ZNF324B: variants seen among roughly 807,000 people sequenced by gnomAD.
ZNF324B encodes the protein zinc finger protein 324B.
ZNF324B carries 7 observed loss-of-function variants against 10.6 expected under a neutral mutation model. The ratio of observed to expected loss-of-function variants is 0.66; its 90% confidence interval spans 0.38 to 1.24. ZNF324B has a LOEUF of 1.24. Ranked by LOEUF, ZNF324B falls within the 50% of genes most tolerant of loss-of-function variation. ZNF324B has a pLI of 0.02. For missense variants in ZNF324B, 640 were observed against 764.7 expected (o/e 0.84, Z 1.92); for synonymous variants, 316 against 321.0 (o/e 0.98, Z 0.17).
intron 1 of ZNF324B, 124 bp downstream of exon 1, chr19:58,451,828 G>C (rs1187050544): frequency 6.8e-6 from 2 of 292,736 alleles, no homozygotes; most frequent in Non-Finnish European, 6.7e-6. Context: ...GGAAGCCCAG[G>C]AGGCAGCGCA....
In ZNF324B at chr19:58,456,201, C is replaced by G. The variant is rs1371611621; in HGVS notation, c.1257C>G (p.His419Gln). Reference sequence around the variant, plus strand: ...CGCTCTTTTTGCACCAGCGCGTGCACACAGGCGAGAAGCCCTTCGCCTGCG... The same window carrying G: ...CGCTCTTTTTGCACCAGCGCGTGCAGACAGGCGAGAAGCCCTTCGCCTGCG... ...GSSLFLHQRV[H>Q]TGEKPFACAQ... Residue 419 changes from histidine (H) to glutamine (Q), a missense_variant, in exon 4 of 4, where the codon CAC becomes CAG. His to Gln is a conservative substitution (Grantham distance 24). This residue lies in a region of ZNF324B where 238 missense variants were observed against 258.0 expected (regional missense o/e 0.92). Transcript: ENST00000336614. The surrounding 1 kb of genome is among the most constrained non-coding windows in gnomAD (Gnocchi z 4.7). The G allele has an allele frequency of 6.2e-7, 1 of 1,613,274 alleles. No homozygotes were observed. Among genetic ancestry groups the G allele is most frequent in the Non-Finnish European group, 8.5e-7 (1 of 1,179,838 alleles).
the ZNF324B span, among the ~76,000 whole-genome samples, chr19:58,427,432 TTCCTTCC>T: frequency 0.013 from 424 of 33,866 alleles, 31 homozygotes; most frequent in African/African-American, 0.051. Flanking sequence ...CCTTCCTTCC[TTCCTTCC>T]TTCCTTTCCT....
At chr19:58,446,895 TTTTTC>T (rs992284438), upstream of ZNF324B, among the ~76,000 whole-genome samples, 17 of 151,358 alleles carry the variant, frequency 1.1e-4, no homozygotes, top group South Asian at 4.2e-4. Flanking sequence ...TGTCTTTTCT[TTTTTC>T]TTTTCTTTTC....
chr19:58,437,291 T>C, the ZNF324B span: 1 of 1,446,540 alleles, frequency 6.9e-7, no homozygotes, highest in Non-Finnish European at 9.3e-7. Context: ...CTGATACATC[T>C]ACCACTAATA....
the ZNF324B span, among the ~76,000 whole-genome samples, chr19:58,446,573 C>CTCTCTTTTTTTTTTT: frequency 2.0e-5 from 2 of 102,508 alleles, no homozygotes; most frequent in African/African-American, 9.5e-5. Flanking sequence ...ATTTCTTTCT[C>CTCTCTTTTTTTTTTT]TTTTTTTTTT....
Position 58,455,247 on chromosome 19 carries a change from C to T in ZNF324B, c.303C>T (p.Thr101=). 1 of 1,614,184 alleles carries T rather than the reference C, an allele frequency of 6.2e-7. No homozygotes were observed. The highest frequency in any genetic ancestry group is 8.5e-7 in the Non-Finnish European group (1 of 1,180,026). Residue 101 remains threonine, a synonymous_variant, in exon 4 of 4, where the codon ACC becomes ACT. Transcript: ENST00000336614. The surrounding 1 kb of genome is among the most constrained non-coding windows in gnomAD (Gnocchi z 7.0). ...AATGGCCACGAGCTTTCCCAGATAC[C>T]CCACCTGGGATGACTACTAGCGTCT... The part of the protein sequence containing the change: ...SGEWPRAFPD[T]PPGMTTSVFP...
the ZNF324B span, chr19:58,419,133 G>T: frequency 6.6e-6 from 1 of 152,174 alleles, no homozygotes; most frequent in African/African-American, 2.4e-5. Context: ...TAGCCTGGAT[G>T]TCAGGCTTTT....
At chr19:58,433,235 G>A in the ZNF324B span, 4 of 1,378,840 alleles carry the variant, frequency 2.9e-6, no homozygotes, top group East Asian at 9.2e-5. Context: ...AGTACATGTA[G>A]GTAATTTTTC....
rs780035277 is a variant in ZNF324B at position 58,456,577 on chromosome 19, T to A, written c.1633T>A (p.Ter545ArgextTer36). The change falls in exon 4 of 4, where the codon TGA (stop) becomes AGA (arginine). Residue 545 changes from the stop codon to arginine, a stop_lost. Transcript: ENST00000336614. The surrounding 1 kb of genome is among the most constrained non-coding windows in gnomAD (Gnocchi z 4.7). ...CCCAGTCCTGAAGCCAGCGAAGGTC[T>A]GAGGTCACAGGTCGCAGCCCAACCC... ...PSPVLKPAKV* is the reference protein window; with the variant it reads ...PSPVLKPAKVR The A allele has an allele frequency of 4.0e-5, 64 of 1,612,922 alleles. No homozygotes were observed. The highest frequency in any genetic ancestry group is 1.6e-4 in the Middle Eastern group (1 of 6,072).
the ZNF324B span, chr19:58,441,339 G>C: frequency 1.3e-5 from 2 of 152,374 alleles, no homozygotes; most frequent in African/African-American, 4.8e-5. Flanking sequence ...GGTTATTGCA[G>C]TATTGTTCCA....
At chr19:58,426,825 C>T in the ZNF324B span, among the ~76,000 whole-genome samples, 9 of 152,184 alleles carry the variant, frequency 5.9e-5, no homozygotes, top group African/African-American at 2.2e-4. Flanking sequence ...GCAGAGTGTA[C>T]AATAACAGGG....
At chr19:58,454,393 GC>G in intron 3 of ZNF324B, 49 bp downstream of exon 3, 1 of 1,211,822 alleles carries the variant, frequency 8.3e-7, no homozygotes, top group Non-Finnish European at 1.2e-6. Flanking sequence ...CTGTGGCCAA[GC>G]CCATGTCCCT....
At chr19:58,455,000 C>A (rs1219753333) in intron 3 of ZNF324B, 183 bp from the exon 4 acceptor site, 1 of 827,574 alleles carries the variant, frequency 1.2e-6, no homozygotes, top group Non-Finnish European at 2.0e-6. Flanking sequence ...GCAGTCAGTG[C>A]CACACCTGTC....
the ZNF324B span, chr19:58,437,886 T>C: frequency 1.4e-6 from 1 of 709,194 alleles, no homozygotes; most frequent in Non-Finnish European, 1.7e-6. Flanking sequence ...ATCTCAAATA[T>C]CTCTTCCCTC....
At chr19:58,431,468 C>T in the ZNF324B span, among the ~76,000 whole-genome samples, 4 of 152,076 alleles carry the variant, frequency 2.6e-5, no homozygotes, top group Non-Finnish European at 5.9e-5. Context: ...GCTATGTTGC[C>T]CTGGATGGAC....
chr19:58,432,249 G>T, the ZNF324B span: 123 of 508,310 alleles, frequency 2.4e-4, 3 homozygotes, highest in South Asian at 1.6e-3. Flanking sequence ...TGGGTGCCAA[G>T]ATACAGTTTG....
At chr19:58,454,133 T>G in intron 2 of ZNF324B, 95 bp from the exon 3 acceptor site, 1 of 824,968 alleles carries the variant, frequency 1.2e-6, no homozygotes, top group Non-Finnish European at 2.0e-6. Context: ...TTGCACAGAT[T>G]ACTGTCTATT....
the ZNF324B span, chr19:58,445,151 A>G: frequency 1.4e-5 from 4 of 284,706 alleles, no homozygotes; most frequent in Non-Finnish European, 2.7e-5. Flanking sequence ...ACACCGGAAA[A>G]TGGTTGTACA....
At chr19:58,434,430 CTGA>C in the ZNF324B span, 1 of 1,614,246 alleles carries the variant, frequency 6.2e-7, no homozygotes, top group Non-Finnish European at 8.5e-7. Context: ...AGTGAATTCT[CTGA>C]TGATGAACAA....
Sources: gnomAD v4.1 joint callset for allele counts (sites outside exome capture counted in the v4.1 genomes callset) on GRCh38, gnomAD v4.1.1 for gene constraint, gnomAD v4.1.1 regional missense constraint, Gnocchi (gnomAD v3.1) non-coding constraint, MANE v1.5 for transcripts, NCBI Gene and HGNC (gene_info 2026-07-23, HGNC 2026-07-21) for gene names.